Variants in DPP10 observed in about 807,000 individuals in gnomAD.
DPP10 encodes the protein dipeptidyl peptidase like 10.
In DPP10, 33 loss-of-function variants were observed where a neutral mutation model predicts 120.9. The ratio of observed to expected loss-of-function variants is 0.27; its 90% CI spans 0.21 to 0.37. The LOEUF (loss-of-function observed/expected upper bound fraction) is 0.37. DPP10 is among the 10% of genes least tolerant of loss of function. DPP10 has a pLI of 1.00. For synonymous variants in DPP10, 337 were observed against 326.1 expected (o/e 1.03, Z -0.36); for missense variants, 816 against 942.8 (o/e 0.87, Z 1.76).
intron 1 of DPP10, among the ~76,000 whole-genome samples, chr2:114,859,482 A>C (rs1689641820): frequency 6.6e-6 from 1 of 152,226 alleles, no homozygotes. Flanking sequence ...ATTCAAATTG[A>C]AAGTGGGTTT....
chr2:115,592,871 G>A (rs966931463), intron 5 of DPP10, among the ~76,000 whole-genome samples: 1 of 152,176 alleles, frequency 6.6e-6, no homozygotes, highest in Non-Finnish European at 1.5e-5. Context: ...AGATACCTTT[G>A]CAAGGCCACT....
At chr2:114,979,654 T>A (rs1163354347) in intron 1 of DPP10, among the ~76,000 whole-genome samples, 1 of 152,072 alleles carries the variant, frequency 6.6e-6, no homozygotes, top group East Asian at 1.9e-4. Context: ...TGAAAGCAAA[T>A]CACCAAGTGA....
chr2:115,685,112 A>G (rs891056900), intron 5 of DPP10, among the ~76,000 whole-genome samples: 1 of 151,972 alleles, frequency 6.6e-6, no homozygotes, highest in Admixed American at 6.6e-5. Flanking sequence ...AGCTTATTTT[A>G]TGAAGTATGA....
chr2:114,907,556 TAGA>T (rs1694067597), intron 1 of DPP10, among the ~76,000 whole-genome samples: 1 of 152,144 alleles, frequency 6.6e-6, no homozygotes, highest in African/African-American at 2.4e-5. Context: ...ATTGGTTACT[TAGA>T]AGTATTCATT....
intron 1 of DPP10, among the ~76,000 whole-genome samples, chr2:115,257,081 C>T (rs926721222): frequency 2.0e-5 from 3 of 152,212 alleles, no homozygotes; most frequent in Non-Finnish European, 4.4e-5. Flanking sequence ...CGTGAAATTT[C>T]ACTGTCCATG....
chr2:115,414,146 C>T (rs2069178354), intron 3 of DPP10, among the ~76,000 whole-genome samples: 1 of 152,052 alleles, frequency 6.6e-6, no homozygotes, highest in Admixed American at 6.6e-5. Context: ...TTTCTATCCC[C>T]CAAATTGTAC....
chr2:115,643,510 G>T (rs548811914), intron 5 of DPP10, among the ~76,000 whole-genome samples: 12 of 152,112 alleles, frequency 7.9e-5, no homozygotes, highest in Admixed American at 3.3e-4. Context: ...AGGAGCCCAC[G>T]ATATAATAGA....
intron 3 of DPP10, among the ~76,000 whole-genome samples, chr2:115,360,616 T>C (rs2064702968): frequency 6.6e-6 from 1 of 152,118 alleles, no homozygotes; most frequent in Non-Finnish European, 1.5e-5. Context: ...TCTCACCAAG[T>C]TTTCATTCCT....
intron 1 of DPP10, among the ~76,000 whole-genome samples, chr2:114,626,530 G>T (rs1694527013): frequency 6.6e-6 from 1 of 151,996 alleles, no homozygotes; most frequent in Non-Finnish European, 1.5e-5. Context: ...TTCACCAAGG[G>T]AATTTGGCGG....
chr2:115,750,638 A>G (rs1041662684), intron 10 of DPP10, among the ~76,000 whole-genome samples: 2 of 152,244 alleles, frequency 1.3e-5, no homozygotes, highest in East Asian at 3.9e-4. Context: ...AAAGAGAACT[A>G]TAAGTATATT....
chr2:114,885,467 A>G (rs566065363), intron 1 of DPP10, among the ~76,000 whole-genome samples: 1 of 152,186 alleles, frequency 6.6e-6, no homozygotes, highest in Non-Finnish European at 1.5e-5. Context: ...CATACAAACT[A>G]TATCACCCTT....
intron 1 of DPP10, among the ~76,000 whole-genome samples, chr2:114,722,638 T>A (rs1701772672): frequency 6.6e-6 from 1 of 151,222 alleles, no homozygotes; most frequent in South Asian, 2.1e-4. Context: ...TAGCCGGGCG[T>A]GGTGGCGGGA....
Position 114,850,532 on chromosome 2 carries a change from A to G in DPP10, c.60+407694A>G, listed in dbSNP as rs184078606. 2.6e-4 allele frequency among the ~76,000 whole-genome samples: 39 copies of G among 152,298 alleles called. 1 individual carries two copies. In the East Asian group the frequency reaches 6.0e-3, roughly 23 times the overall value. ...TATTAGCATACATCATTAGGAAGGC[A>G]TTTTATTATTCCCAATCATAATTCT... On this transcript the variant is annotated intron_variant, in intron 1 of 25. Transcript: ENST00000410059.
intron 1 of DPP10, among the ~76,000 whole-genome samples, chr2:114,629,484 C>T (rs557073657): frequency 2.0e-4 from 30 of 152,112 alleles, no homozygotes; most frequent in Middle Eastern, 3.4e-3. Flanking sequence ...GGGTCGTTAA[C>T]GGGTAATGTA....
At chr2:114,477,872 CATATAT>C (rs1680599538) in intron 1 of DPP10, among the ~76,000 whole-genome samples, 1 of 107,640 alleles carries the variant, frequency 9.3e-6, no homozygotes, top group Non-Finnish European at 2.2e-5. Context: ...TATATATGTA[CATATAT>C]GTGTATATAT....
In DPP10 at chr2:115,804,552, C is replaced by A. The variant is rs555420899; in HGVS notation, c.1701-10241C>A. The stretch of plus-strand genomic sequence containing the variant: ...TTTTTCTGCTCTGTTTTTTCCCCAT[C>A]TTTGTGGTTTTATCTACCTTTGTTC... On this transcript the variant is annotated intron_variant, in intron 19 of 25. Transcript: ENST00000410059. Among the ~76,000 whole-genome samples the A allele has an allele frequency of 5.9e-5, 9 of 152,260 alleles. No individual in the cohort carries two copies. The East Asian group carries it at 1.7e-3, about 29-fold the overall frequency.
chr2:114,577,553 C>T (rs983911867), intron 1 of DPP10, among the ~76,000 whole-genome samples: 7 of 152,190 alleles, frequency 4.6e-5, no homozygotes, highest in Non-Finnish European at 2.9e-5. Flanking sequence ...TTTCTTAAAG[C>T]ACCATGGCCC....
At chr2:115,513,410 T>G (rs1438668472) in intron 4 of DPP10, among the ~76,000 whole-genome samples, 1 of 151,948 alleles carries the variant, frequency 6.6e-6, no homozygotes, top group Non-Finnish European at 1.5e-5. Context: ...GGCCATTTAT[T>G]TAATAATATT....
intron 7 of DPP10, among the ~76,000 whole-genome samples, chr2:115,706,794 A>C (rs7606203): frequency 0.14 from 21,480 of 151,950 alleles, 1,632 homozygotes; most frequent in Non-Finnish European, 0.16. Flanking sequence ...CCAATTAGGC[A>C]GAGTTCAGTA....
Sources: allele counts gnomAD v4.1 joint callset (sites outside exome capture counted in the v4.1 genomes callset), GRCh38; gene constraint gnomAD v4.1.1; transcripts MANE v1.5; gene names NCBI Gene and HGNC (gene_info 2026-07-23, HGNC 2026-07-21).